SKAP2: variants seen among roughly 807,000 people sequenced by gnomAD.
The protein encoded by SKAP2 is src kinase associated phosphoprotein 2.
A neutral mutation model predicts 54.9 loss-of-function variants in SKAP2; 28 were observed. The ratio of observed to expected loss-of-function variants is 0.51; its 90% confidence interval spans 0.38 to 0.70. The LOEUF (loss-of-function observed/expected upper bound fraction) is 0.70, where lower values mean the gene tolerates loss of function less well. Among genes scored for constraint, SKAP2 ranks in the 30% least tolerant of loss-of-function variants. The probability of loss-of-function intolerance (pLI) is 0.00; values close to 1 mark genes in which losing one functional copy is unlikely to be tolerated. For synonymous variants in SKAP2, 137 were observed against 134.3 expected, an observed-to-expected ratio of 1.02 and a Z score of -0.14; for missense variants, 356 against 424.1, an observed-to-expected ratio of 0.84 and a Z score of 1.41.
chr7:26,710,325 T>C (rs989123126), intron 9 of SKAP2, among the ~76,000 whole-genome samples: 2 of 152,168 alleles, frequency 1.3e-5, no homozygotes, highest in Non-Finnish European at 2.9e-5. Context: ...GAATAGCACA[T>C]ATCAACATTT....
intron 4 of SKAP2, among the ~76,000 whole-genome samples, chr7:26,818,230 C>T (rs1784313111): frequency 6.6e-6 from 1 of 152,186 alleles, no homozygotes. Flanking sequence ...GCACTGGTAC[C>T]AAAACAGATA....
Position 26,761,045 on chromosome 7 carries a change from G to A in SKAP2, c.308-21081C>T, listed in dbSNP as rs147335356. Among the ~76,000 whole-genome samples, 92 of 152,298 alleles carry A rather than the reference G, an allele frequency of 6.0e-4. 1 individual carries two copies. The East Asian group carries it at 0.018, about 29-fold the overall frequency. ...AGGTAGTATGGGCAGAAGATAGTCT[G>A]TAGTAATGAAGGAATGAAATGCGCG... On this transcript the variant is annotated intron_variant, in intron 4 of 12. Transcript: ENST00000345317.
intron 4 of SKAP2, among the ~76,000 whole-genome samples, chr7:26,772,558 A>G (rs1016148892): frequency 1.4e-4 from 22 of 152,186 alleles, no homozygotes; most frequent in Non-Finnish European, 2.9e-4. Flanking sequence ...AAAGGACATG[A>G]TATCATTTTT....
chr7:26,842,627 CTGTGTA>C (rs928626342), intron 4 of SKAP2, among the ~76,000 whole-genome samples: 1 of 151,440 alleles, frequency 6.6e-6, no homozygotes, highest in African/African-American at 2.4e-5. Flanking sequence ...AATATTCTGT[CTGTGTA>C]TGTGTATACA....
chr7:26,833,360 C>A (rs1254111000), intron 4 of SKAP2, among the ~76,000 whole-genome samples: 1 of 146,292 alleles, frequency 6.8e-6, no homozygotes, highest in Non-Finnish European at 1.5e-5. Flanking sequence ...CGCGCCACTG[C>A]ACCCCAGCCT....
intron 4 of SKAP2, among the ~76,000 whole-genome samples, chr7:26,802,279 T>G (rs1331935510): frequency 4.1e-5 from 3 of 73,320 alleles, no homozygotes; most frequent in African/African-American, 7.1e-5. Context: ...TTTTTTTGGT[T>G]TTTTTTTTTT....
intron 9 of SKAP2, among the ~76,000 whole-genome samples, chr7:26,713,021 T>C (rs1313624057): frequency 6.6e-6 from 1 of 152,212 alleles, no homozygotes; most frequent in African/African-American, 2.4e-5. Context: ...CACATGGGGC[T>C]GTGATTCTGT....
intron 6 of SKAP2, among the ~76,000 whole-genome samples, chr7:26,728,212 C>CA (rs1407360366): frequency 6.6e-6 from 1 of 152,038 alleles, no homozygotes; most frequent in Non-Finnish European, 1.5e-5. Flanking sequence ...ATGTTTTTCA[C>CA]AAAAACGATA....
At chr7:26,779,972 A>G (rs773076245) in intron 4 of SKAP2, among the ~76,000 whole-genome samples, 43 of 152,210 alleles carry the variant, frequency 2.8e-4, no homozygotes, top group Middle Eastern at 3.4e-3. Context: ...AGAACAAGCA[A>G]TTAGGGTCAA....
downstream of SKAP2, among the ~76,000 whole-genome samples, chr7:26,662,740 C>T (rs1398786455): frequency 6.6e-6 from 1 of 152,032 alleles, no homozygotes; most frequent in Non-Finnish European, 1.5e-5. Context: ...CACAAGATTG[C>T]TACATTTCAG....
chr7:26,807,153 C>A (rs1784045315), intron 4 of SKAP2, among the ~76,000 whole-genome samples: 1 of 152,210 alleles, frequency 6.6e-6, no homozygotes, highest in Admixed American at 6.5e-5. Context: ...AGTAAAGACA[C>A]TGTGAACATT....
chr7:26,858,607 C>T (rs978790264), intron 1 of SKAP2, among the ~76,000 whole-genome samples: 5 of 151,984 alleles, frequency 3.3e-5, no homozygotes, highest in Non-Finnish European at 5.9e-5. Flanking sequence ...CTTCCTTTTT[C>T]CCCCCTTTTA....
chr7:26,784,588 G>A (rs1237847616), intron 4 of SKAP2, among the ~76,000 whole-genome samples: 7 of 152,098 alleles, frequency 4.6e-5, no homozygotes, highest in Admixed American at 2.6e-4. Context: ...TATTCTCAAA[G>A]CCTGATTTAC....
intron 3 of SKAP2, among the ~76,000 whole-genome samples, chr7:26,847,024 G>T (rs1427167287): frequency 6.6e-6 from 1 of 151,816 alleles, no homozygotes; most frequent in African/African-American, 2.4e-5. Flanking sequence ...AACGCTTTTG[G>T]GTTATATATT....
chr7:26,846,434 T>C (rs1343384525), intron 3 of SKAP2, among the ~76,000 whole-genome samples: 1 of 152,118 alleles, frequency 6.6e-6, no homozygotes, highest in African/African-American at 2.4e-5. Context: ...TATGTGTGCA[T>C]ATATATATGT....
rs774342892 is a variant in SKAP2 at position 26,755,996 on chromosome 7, G to A, written c.308-16032C>T. ...GAATATTCACTGATATACCATTTGT[G>A]ACAACAGAAAGATGGAAAATGCCCA... On this transcript the variant is annotated intron_variant, in intron 4 of 12. Coordinates refer to ENST00000345317, the MANE Select transcript of SKAP2 (RefSeq NM_003930.5). 3.0e-4 allele frequency among the ~76,000 whole-genome samples: 46 copies of A among 152,194 alleles called. 1 individual carries two copies. In the Middle Eastern group the frequency reaches 0.014, roughly 45 times the overall value.
At chr7:26,753,464 A>G (rs1782727210) in intron 4 of SKAP2, among the ~76,000 whole-genome samples, 1 of 152,246 alleles carries the variant, frequency 6.6e-6, no homozygotes, top group Admixed American at 6.5e-5. Flanking sequence ...CAAAATAAAA[A>G]AATCAATATA....
At chr7:26,680,524 T>A (rs549425273) in intron 11 of SKAP2, among the ~76,000 whole-genome samples, 47 of 152,246 alleles carry the variant, frequency 3.1e-4, no homozygotes, top group Non-Finnish European at 4.4e-4. Context: ...AACCAATTGT[T>A]AATTCACTAA....
chr7:26,757,928 A>AT (rs1056385627), intron 4 of SKAP2, among the ~76,000 whole-genome samples: 4 of 152,120 alleles, frequency 2.6e-5, no homozygotes, highest in African/African-American at 7.2e-5. Flanking sequence ...CGCCTGGCTA[A>AT]TTTTTTGTAT....
Sources: gnomAD v4.1 joint callset for allele counts (sites outside exome capture counted in the v4.1 genomes callset) on GRCh38, gnomAD v4.1.1 for gene constraint, MANE v1.5 for transcripts, NCBI Gene and HGNC (gene_info 2026-07-23, HGNC 2026-07-21) for gene names.